The following TMEM62 variants were observed in gnomAD, a reference collection of about 807,000 sequenced individuals.
The protein encoded by TMEM62 is transmembrane protein 62.
A neutral mutation model predicts 70.4 loss-of-function variants in TMEM62; 41 were observed. That is an observed-to-expected ratio of 0.58 (90% confidence interval 0.45 to 0.76). The LOEUF (loss-of-function observed/expected upper bound fraction) is 0.76, where lower values mean the gene tolerates loss of function less well. TMEM62 is among the 30% of genes least tolerant of loss of function. The probability of loss-of-function intolerance (pLI) is 0.00; values close to 1 mark genes in which losing one functional copy is unlikely to be tolerated. For synonymous variants in TMEM62, 268 were observed against 291.0 expected (o/e 0.92, Z 0.80); for missense variants, 688 against 788.5 (o/e 0.87, Z 1.53).
intron 11 of TMEM62, among the ~76,000 whole-genome samples, chr15:43,171,363 A>T (rs1019986050): frequency 2.6e-5 from 4 of 151,716 alleles, no homozygotes; most frequent in African/African-American, 7.3e-5. Context: ...TTCCCTTCAA[A>T]TTCCAACCAT....
At position 43,178,505 on chromosome 15, in the gene TMEM62, C is replaced by T. The variant is rs113962297; in HGVS notation, c.1382-102C>T. 1.8e-3 allele frequency: 1,195 copies of T among 668,818 alleles called. 10 individuals are homozygous for T. The African/African-American group carries it at 0.019, about 11-fold the overall frequency. 41.4% of individuals were successfully genotyped at this position (668,818 alleles called of 1,614,324 possible). A position where few individuals can be genotyped will look rare whatever the true frequency, so the allele number is the denominator to read the frequency against. On this transcript the variant is annotated intron_variant, in intron 11 of 13. Transcript: ENST00000260403. ...TAGTTACCATCTAACAAAGGATTTG[C>T]TGAATATATGGTAGATAGCCCATGA...
chr15:43,138,703 C>A, intron 4 of TMEM62, 84 bp downstream of exon 4: 1 of 1,195,598 alleles, frequency 8.4e-7, no homozygotes, highest in Non-Finnish European at 1.2e-6. Context: ...TGAGAGAAAA[C>A]TTTAAAAAAA....
At chr15:43,135,434 C>A in intron 2 of TMEM62, 78 bp from the exon 3 acceptor site, 1 of 1,423,968 alleles carries the variant, frequency 7.0e-7, no homozygotes, top group Non-Finnish European at 9.3e-7. Flanking sequence ...CTTGTTCCTT[C>A]AGTGTACATA....
intron 8 of TMEM62, among the ~76,000 whole-genome samples, chr15:43,154,320 G>A (rs1327186626): frequency 6.6e-6 from 1 of 152,106 alleles, no homozygotes; most frequent in Non-Finnish European, 1.5e-5. Flanking sequence ...TTAACAAAAT[G>A]AGATTTCCAC....
chr15:43,138,974 TAC>T (rs2035623794), intron 4 of TMEM62, among the ~76,000 whole-genome samples: 1 of 152,266 alleles, frequency 6.6e-6, no homozygotes, highest in Non-Finnish European at 1.5e-5. Context: ...CTGTTTCATA[TAC>T]AGGCATACCT....
Position 43,133,988 on chromosome 15 carries a change from G to C in TMEM62, c.180+6G>C, listed in dbSNP as rs745396788. The C allele has an allele frequency of 1.2e-5, 17 of 1,439,838 alleles. No individual in the cohort carries two copies. Among genetic ancestry groups the C allele is most frequent in the Non-Finnish European group, 1.5e-5 (16 of 1,102,328 alleles). 89.2% of individuals were successfully genotyped at this position (1,439,838 alleles called of 1,614,324 possible). A position where few individuals can be genotyped will look rare whatever the true frequency, so the allele number is the denominator to read the frequency against. On this transcript the variant is annotated splice_donor_region_variant and intron_variant, in intron 1 of 13. Transcript: ENST00000260403. ...ACATCTTCTGGGGCCTGCAGGTGAC[G>C]CGGCGGGAAGCCGGGCCGGGAGGCA...
intron 10 of TMEM62, among the ~76,000 whole-genome samples, chr15:43,163,026 C>T (rs1407425710): frequency 6.6e-6 from 1 of 151,282 alleles, no homozygotes; most frequent in Non-Finnish European, 1.5e-5. Context: ...TTTTGGTATG[C>T]TTGGCACATA....
chr15:43,151,319 G>GAAAAAAAAAAA (rs896405823), intron 7 of TMEM62, among the ~76,000 whole-genome samples: 1 of 53,402 alleles, frequency 1.9e-5, no homozygotes, highest in African/African-American at 5.7e-5. Flanking sequence ...TCAAAAATAA[G>GAAAAAAAAAAA]AAAAAAAAAA....
chr15:43,155,195 A>G (rs2037896159), intron 9 of TMEM62, among the ~76,000 whole-genome samples: 1 of 152,154 alleles, frequency 6.6e-6, no homozygotes, highest in Admixed American at 6.5e-5. Flanking sequence ...GCACCACTGC[A>G]CTCCAGCCTG....
intron 10 of TMEM62, 59 bp downstream of exon 10, chr15:43,160,853 G>C: frequency 1.0e-6 from 1 of 983,872 alleles, no homozygotes; most frequent in Non-Finnish European, 1.5e-6. Flanking sequence ...ATAATATACA[G>C]TAGTCCTCCC....
chr15:43,135,481 A>T (rs774357926), intron 2 of TMEM62, 31 bp from the exon 3 acceptor site: 1 of 1,566,852 alleles, frequency 6.4e-7, no homozygotes, highest in African/African-American at 1.4e-5. Flanking sequence ...TTTATTTTGC[A>T]TTGTGATTCA....
chr15:43,162,099 T>C (rs2038774292), intron 10 of TMEM62, among the ~76,000 whole-genome samples: 1 of 152,152 alleles, frequency 6.6e-6, no homozygotes, highest in Admixed American at 6.5e-5. Context: ...TATAACATAT[T>C]AGCTGCATTA....
Position 43,133,740 on chromosome 15 carries a change from C to G in TMEM62, c.-63C>G. ...GTCCGGAAGTGCAGGCAAAGCGGCT[C>G]CCGGGAGCGCCGCGCGGTCCTGCGC... On this transcript the variant is annotated 5_prime_UTR_variant, in exon 1 of 14. Transcript: ENST00000260403. 8.3e-7 allele frequency: 1 copy of G among 1,204,586 alleles called. No homozygotes were observed. 74.6% of individuals were successfully genotyped at this position (1,204,586 alleles called of 1,614,324 possible). A position where few individuals can be genotyped will look rare whatever the true frequency, so the allele number is the denominator to read the frequency against.
Position 43,160,768 on chromosome 15 carries a change from A to C in TMEM62, c.1270A>C (p.Ile424Leu), listed in dbSNP as rs755075815. 1 of 1,608,690 alleles carries C rather than the reference A, an allele frequency of 6.2e-7. No individual in the cohort carries two copies. The highest frequency in any genetic ancestry group is 1.1e-5 in the South Asian group (1 of 90,880). ...HLSFDPLASF[I>L]LRTDHYIMAR... ...CAGTTTTGATCCCCTGGCATCATTTATTCTCCGTACTGATCACTACATCAT... is the reference window on the plus strand; with the variant it reads ...CAGTTTTGATCCCCTGGCATCATTTCTTCTCCGTACTGATCACTACATCAT... Residue 424 changes from isoleucine (I) to leucine (L), a missense_variant, in exon 10 of 14, where the codon ATT (isoleucine) becomes CTT (leucine). Physicochemically the swap from Ile to Leu is conservative, Grantham distance 5. Transcript: ENST00000260403.
intron 2 of TMEM62, 99 bp from the exon 3 acceptor site, chr15:43,135,413 C>T: frequency 1.6e-6 from 2 of 1,270,714 alleles, no homozygotes; most frequent in East Asian, 2.6e-5. Context: ...ACGTTGAGTG[C>T]TTTAAGTATC....
Position 43,140,022 on chromosome 15 carries a change from T to A in TMEM62, c.476+1403T>A, listed in dbSNP as rs141790841. Among the ~76,000 whole-genome samples, 11 of 152,298 alleles carry A rather than the reference T, an allele frequency of 7.2e-5. No individual in the cohort carries two copies. The East Asian group carries it at 2.1e-3, about 29-fold the overall frequency. On this transcript the variant is annotated intron_variant, in intron 4 of 13. Transcript: ENST00000260403. ...ACTTTTATAGCTAGAGAAAAGTCAA[T>A]CCCTGGCTTCAAAGGATGGGCTGAC...
intron 9 of TMEM62, among the ~76,000 whole-genome samples, chr15:43,157,930 TCTA>T (rs2038240036): frequency 6.6e-6 from 1 of 152,206 alleles, no homozygotes; most frequent in Non-Finnish European, 1.5e-5. Context: ...GCTCTTACAT[TCTA>T]TTTAACCGAC....
At chr15:43,148,947 G>T in intron 6 of TMEM62, 68 bp downstream of exon 6, 1 of 1,602,328 alleles carries the variant, frequency 6.2e-7, no homozygotes, top group Non-Finnish European at 8.5e-7. Context: ...TACCTATTCT[G>T]CTTTTCTGGC....
intron 12 of TMEM62, chr15:43,179,833 A>G (rs542030199): frequency 6.6e-6 from 1 of 152,326 alleles, no homozygotes; most frequent in South Asian, 2.1e-4. Flanking sequence ...TGTGTAAGCT[A>G]TGGCAGATCA....
Sources: gnomAD v4.1 joint callset for allele counts (sites outside exome capture counted in the v4.1 genomes callset) on GRCh38, gnomAD v4.1.1 for gene constraint, MANE v1.5 for transcripts, NCBI Gene and HGNC (gene_info 2026-07-23, HGNC 2026-07-21) for gene names.